The following LGSN variants were observed in gnomAD, a reference collection of about 807,000 sequenced individuals.
The protein encoded by LGSN is lengsin.
LGSN carries 21 observed loss-of-function variants against 19.5 expected under a neutral mutation model. That is an observed-to-expected ratio of 1.07 (90% confidence interval 0.76 to 1.55). The LOEUF is 1.55. Ranked by LOEUF, LGSN falls within the 40% of genes most tolerant of loss-of-function variation. LGSN has a pLI of 0.00. For synonymous variants in LGSN, 257 were observed against 215.6 expected, an observed-to-expected ratio of 1.19 and a Z score of -1.68; for missense variants, 673 against 608.5, an observed-to-expected ratio of 1.11 and a Z score of -1.12.
At chr6:63,298,025 G>A (rs1333836719) in intron 1 of LGSN, among the ~76,000 whole-genome samples, 5 of 152,106 alleles carry the variant, frequency 3.3e-5, no homozygotes, top group African/African-American at 7.2e-5. Flanking sequence ...CCTAAGAGTC[G>A]CTCTGAACAT....
At chr6:63,365,308 C>A in the LGSN span, among the ~76,000 whole-genome samples, 1 of 152,140 alleles carries the variant, frequency 6.6e-6, no homozygotes, top group Non-Finnish European at 1.5e-5. Context: ...ACTATAAACA[C>A]CTCCACGCAA....
intron 2 of LGSN, among the ~76,000 whole-genome samples, chr6:63,287,369 C>A (rs550726666): frequency 6.6e-6 from 1 of 152,258 alleles, no homozygotes; most frequent in Admixed American, 6.5e-5. Context: ...GAAGAATGCT[C>A]CTTAAAACAA....
At chr6:63,298,956 T>G (rs575426309) in intron 1 of LGSN, among the ~76,000 whole-genome samples, 1 of 152,326 alleles carries the variant, frequency 6.6e-6, no homozygotes, top group South Asian at 2.1e-4. Context: ...TCTTTTGGCT[T>G]AGTTACTATC....
the LGSN span, among the ~76,000 whole-genome samples, chr6:63,504,534 C>T: frequency 6.6e-6 from 1 of 152,036 alleles, no homozygotes; most frequent in Non-Finnish European, 1.5e-5. Context: ...GCCACTGCAC[C>T]CAGCCTCAAG....
the LGSN span, among the ~76,000 whole-genome samples, chr6:63,515,614 T>C: frequency 6.6e-6 from 1 of 152,238 alleles, no homozygotes; most frequent in African/African-American, 2.4e-5. Flanking sequence ...TTGACATGTA[T>C]AAAGCATGGT....
intron 1 of LGSN, among the ~76,000 whole-genome samples, chr6:63,317,430 C>T (rs551662141): frequency 9.2e-5 from 14 of 152,218 alleles, no homozygotes; most frequent in Non-Finnish European, 1.9e-4. Context: ...AATCCACTGC[C>T]CTTGAAACTC....
At chr6:63,566,819 C>T in the LGSN span, among the ~76,000 whole-genome samples, 2 of 152,214 alleles carry the variant, frequency 1.3e-5, no homozygotes, top group Non-Finnish European at 2.9e-5. Context: ...CACAAGAGAA[C>T]TCCTTTCAAA....
the LGSN span, among the ~76,000 whole-genome samples, chr6:63,475,075 G>A: frequency 1.3e-5 from 2 of 151,990 alleles, no homozygotes; most frequent in East Asian, 3.9e-4. Flanking sequence ...ACAAACCACT[G>A]TAAGAACAAT....
At chr6:63,440,159 G>A in the LGSN span, among the ~76,000 whole-genome samples, 1 of 152,190 alleles carries the variant, frequency 6.6e-6, no homozygotes, top group African/African-American at 2.4e-5. Context: ...AGACAGCCAA[G>A]GGACCCTGGG....
At chr6:63,354,444 C>A in the LGSN span, among the ~76,000 whole-genome samples, 1 of 151,990 alleles carries the variant, frequency 6.6e-6, no homozygotes, top group Non-Finnish European at 1.5e-5. Flanking sequence ...AAATGAGATA[C>A]CATCTTACCC....
the LGSN span, among the ~76,000 whole-genome samples, chr6:63,394,432 A>G: frequency 0.012 from 1,777 of 152,288 alleles, 30 homozygotes; most frequent in African/African-American, 0.027. Context: ...CACTCCCACT[A>G]GCATCATGAT....
the LGSN span, among the ~76,000 whole-genome samples, chr6:63,530,083 A>G: frequency 1.3e-5 from 2 of 152,216 alleles, no homozygotes; most frequent in South Asian, 4.1e-4. Context: ...TAATAACAGT[A>G]TAGATTTCTG....
chr6:63,287,652 G>A (rs890241173), intron 2 of LGSN, among the ~76,000 whole-genome samples: 8 of 151,932 alleles, frequency 5.3e-5, no homozygotes, highest in African/African-American at 1.5e-4. Flanking sequence ...AGGTTGCAGT[G>A]AGCAAAGATC....
At chr6:63,451,765 A>G in the LGSN span, among the ~76,000 whole-genome samples, 2,443 of 152,294 alleles carry the variant, frequency 0.016, 29 homozygotes, top group Non-Finnish European at 0.023. Context: ...ATTAATTAAA[A>G]AAAAAGAAAA....
At chr6:63,514,998 C>T in the LGSN span, among the ~76,000 whole-genome samples, 5 of 151,958 alleles carry the variant, frequency 3.3e-5, no homozygotes, top group East Asian at 3.9e-4. Flanking sequence ...GCCACTGTGC[C>T]GAGCCTTGCT....
the LGSN span, among the ~76,000 whole-genome samples, chr6:63,362,786 C>T: frequency 6.6e-6 from 1 of 152,220 alleles, no homozygotes; most frequent in East Asian, 1.9e-4. Context: ...CATAGCTGAA[C>T]AAAAGGCAGC....
At chr6:63,390,337 C>T in the LGSN span, among the ~76,000 whole-genome samples, 13,042 of 150,958 alleles carry the variant, frequency 0.086, 1,045 homozygotes, top group African/African-American at 0.22. Flanking sequence ...ACCATGTTGG[C>T]CAGGCTGGTC....
In LGSN at chr6:63,280,464, C is replaced by A; in HGVS notation, c.1087G>T (p.Val363Phe). The A allele has an allele frequency of 6.2e-7, 1 of 1,614,140 alleles. No homozygotes were observed. The highest frequency in any genetic ancestry group is 1.6e-4 in the Middle Eastern group (1 of 6,062). Residue 363 changes from valine (V) to phenylalanine (F), a missense_variant, in exon 4 of 4, where the codon GTT becomes TTT. By Grantham distance (50) the Val-to-Phe change is conservative. Transcript: ENST00000370657. ...TTGGAATAACGCTTTCGGCAGCTAA[C>A]AGAAGGCGCCATCAGGCAGCTGAGC... ...AALSCLMAPS[V>F]SCRKRYSKDR... is the part of the protein sequence containing the mutation.
the LGSN span, among the ~76,000 whole-genome samples, chr6:63,353,064 A>G: frequency 2.6e-5 from 4 of 152,298 alleles, no homozygotes; most frequent in African/African-American, 9.6e-5. Flanking sequence ...CTAAAAAGCC[A>G]TTTTAGGAAA....
Sources: allele counts gnomAD v4.1 joint callset (sites outside exome capture counted in the v4.1 genomes callset), GRCh38; gene constraint gnomAD v4.1.1; transcripts MANE v1.5; gene names NCBI Gene and HGNC (gene_info 2026-07-23, HGNC 2026-07-21).